The following DENND1A variants were observed in gnomAD, a reference collection of about 807,000 sequenced individuals.
DENND1A encodes the protein DENN domain-containing protein 1A.
In DENND1A, 51 loss-of-function variants were observed where a neutral mutation model predicts 113.7. The ratio of observed to expected loss-of-function variants is 0.45; its 90% CI spans 0.36 to 0.57. DENND1A has a LOEUF of 0.57. DENND1A is among the 20% of genes least tolerant of loss of function. The probability of loss-of-function intolerance (pLI) is 0.00; values close to 1 mark genes in which losing one functional copy is unlikely to be tolerated. For missense variants in DENND1A, 1,258 were observed against 1,395.9 expected (o/e 0.90, Z 1.57); for synonymous variants, 565 against 570.8 (o/e 0.99, Z 0.14).
At chr9:123,866,037 T>C (rs1242079075) in intron 2 of DENND1A, among the ~76,000 whole-genome samples, 1 of 152,238 alleles carries the variant, frequency 6.6e-6, no homozygotes, top group Non-Finnish European at 1.5e-5. Flanking sequence ...GTGTATAAAA[T>C]CTTTCCCAAA....
At chr9:123,703,539 A>G (rs987633919) in intron 5 of DENND1A, among the ~76,000 whole-genome samples, 1 of 152,186 alleles carries the variant, frequency 6.6e-6, no homozygotes, top group Non-Finnish European at 1.5e-5. Flanking sequence ...ACTACTATAG[A>G]AAAATCACTC....
intron 5 of DENND1A, among the ~76,000 whole-genome samples, chr9:123,705,158 G>C (rs1427345505): frequency 2.0e-5 from 3 of 151,592 alleles, no homozygotes; most frequent in Admixed American, 2.0e-4. Flanking sequence ...GTAACAATTA[G>C]ACATACTCAT....
At chr9:123,568,784 C>T (rs1364873076) in intron 12 of DENND1A, among the ~76,000 whole-genome samples, 1 of 152,046 alleles carries the variant, frequency 6.6e-6, no homozygotes, top group Non-Finnish European at 1.5e-5. Context: ...CGGGCATCTC[C>T]ACCTCCTCAG....
chr9:123,570,646 C>T (rs1180493488), intron 12 of DENND1A, among the ~76,000 whole-genome samples: 1 of 152,188 alleles, frequency 6.6e-6, no homozygotes, highest in Non-Finnish European at 1.5e-5. Context: ...CAATATAAAG[C>T]CTAGCACATA....
At chr9:123,866,634 G>A (rs1845829658) in intron 2 of DENND1A, among the ~76,000 whole-genome samples, 1 of 152,100 alleles carries the variant, frequency 6.6e-6, no homozygotes, top group Non-Finnish European at 1.5e-5. Context: ...TGGAGTTTAG[G>A]GTTTTTATGT....
At chr9:123,564,956 G>A (rs1359623985) in intron 12 of DENND1A, among the ~76,000 whole-genome samples, 1 of 141,150 alleles carries the variant, frequency 7.1e-6, no homozygotes, top group Non-Finnish European at 1.5e-5. Context: ...CATTCTGCAA[G>A]AATCCAATTA....
intron 3 of DENND1A, among the ~76,000 whole-genome samples, chr9:123,771,395 C>T (rs1029880008): frequency 6.6e-5 from 10 of 152,196 alleles, no homozygotes; most frequent in Admixed American, 2.6e-4. Context: ...AAATTTCCTT[C>T]CACTTCAAGT....
At chr9:123,569,236 A>G (rs577427563) in intron 12 of DENND1A, among the ~76,000 whole-genome samples, 2 of 152,362 alleles carry the variant, frequency 1.3e-5, no homozygotes, top group African/African-American at 4.8e-5. Context: ...TCTGCCAGTT[A>G]ATTGAATTCG....
intron 11 of DENND1A, among the ~76,000 whole-genome samples, chr9:123,590,194 A>C (rs1380699420): frequency 6.6e-6 from 1 of 152,126 alleles, no homozygotes; most frequent in Non-Finnish European, 1.5e-5. Context: ...GTGCTCCCCT[A>C]AGGTTTATCT....
At chr9:123,881,441 C>A (rs1363809488) in intron 1 of DENND1A, among the ~76,000 whole-genome samples, 4 of 152,146 alleles carry the variant, frequency 2.6e-5, no homozygotes, top group Admixed American at 1.3e-4. Context: ...TCTGAAACCT[C>A]AAAATGTCTT....
intron 10 of DENND1A, among the ~76,000 whole-genome samples, chr9:123,616,987 G>A (rs954578014): frequency 2.0e-5 from 3 of 152,218 alleles, no homozygotes; most frequent in Non-Finnish European, 2.9e-5. Flanking sequence ...AAGGGCCTGA[G>A]ATGACCTCAT....
intron 5 of DENND1A, among the ~76,000 whole-genome samples, chr9:123,749,864 T>C (rs2069850982): frequency 6.6e-6 from 1 of 152,170 alleles, no homozygotes; most frequent in Non-Finnish European, 1.5e-5. Context: ...GTGTTCTGTT[T>C]CCAAAACAGA....
At chr9:123,728,061 G>A (rs1476765946) in intron 5 of DENND1A, among the ~76,000 whole-genome samples, 3 of 150,932 alleles carry the variant, frequency 2.0e-5, no homozygotes, top group African/African-American at 4.9e-5. Context: ...AGCCAAGATC[G>A]CACCACTGCA....
At chr9:123,849,184 AGAG>A (rs1843007092) in intron 2 of DENND1A, among the ~76,000 whole-genome samples, 1 of 152,222 alleles carries the variant, frequency 6.6e-6, no homozygotes, top group South Asian at 2.1e-4. Flanking sequence ...TCATAGCTAG[AGAG>A]GAGATGTCAA....
At chr9:123,582,433 TC>T (rs2058948981) in intron 12 of DENND1A, among the ~76,000 whole-genome samples, 1 of 151,854 alleles carries the variant, frequency 6.6e-6, no homozygotes, top group South Asian at 2.1e-4. Flanking sequence ...GGAGTCTTGC[TC>T]TGTCGCCCAG....
intron 19 of DENND1A, among the ~76,000 whole-genome samples, chr9:123,424,560 G>T (rs2045567476): frequency 6.6e-6 from 1 of 152,180 alleles, no homozygotes; most frequent in Admixed American, 6.5e-5. Context: ...CAGTGGCCCA[G>T]CATACATATT....
At chr9:123,401,846 C>A (rs756296821) in intron 21 of DENND1A, 1 of 1,614,222 alleles carries the variant, frequency 6.2e-7, no homozygotes, top group Non-Finnish European at 8.5e-7. Context: ...TCGTCGGGAA[C>A]TTGGCCGCAA....
intron 10 of DENND1A, among the ~76,000 whole-genome samples, chr9:123,626,325 G>T (rs1023707651): frequency 6.6e-6 from 1 of 151,924 alleles, no homozygotes; most frequent in African/African-American, 2.4e-5. Context: ...GTCTGTGTGG[G>T]GTCTATTCCT....
chr9:123,751,475 C>T (rs953241497), intron 5 of DENND1A: 2 of 152,276 alleles, frequency 1.3e-5, no homozygotes, highest in Non-Finnish European at 2.9e-5. Context: ...AAGTGACACG[C>T]AACATCCCTT....
Sources: gnomAD v4.1 joint callset for allele counts (sites outside exome capture counted in the v4.1 genomes callset) on GRCh38, gnomAD v4.1.1 for gene constraint, MANE v1.5 for transcripts, NCBI Gene and HGNC (gene_info 2026-07-23, HGNC 2026-07-21) for gene names.